The following DLG1 variants were observed in gnomAD, a reference collection of about 807,000 sequenced individuals.
The protein encoded by DLG1 is discs large MAGUK scaffold protein 1.
In DLG1, 42 loss-of-function variants were observed where a neutral mutation model predicts 123.4. The ratio of observed to expected loss-of-function variants is 0.34; its 90% CI spans 0.27 to 0.44. The LOEUF is 0.44. DLG1 is among the 20% of genes least tolerant of loss of function. DLG1 has a pLI of 1.00. For synonymous variants in DLG1, 317 were observed against 356.2 expected (o/e 0.89, Z 1.24); for missense variants, 942 against 1,082.6 (o/e 0.87, Z 1.82).
intron 23 of DLG1, among the ~76,000 whole-genome samples, chr3:197,059,648 G>A (rs1734405364): frequency 5.9e-5 from 1 of 16,876 alleles, no homozygotes; most frequent in Non-Finnish European, 1.3e-4. Flanking sequence ...AGTCACACGT[G>A]GGGCTATTTA....
chr3:197,245,899 TTG>T (rs1491578889), intron 4 of DLG1, among the ~76,000 whole-genome samples: 9 of 93,540 alleles, frequency 9.6e-5, no homozygotes, highest in Non-Finnish European at 1.7e-4. Context: ...TTTTTTTTTT[TTG>T]GGGGGGGGGG....
intron 24 of DLG1, among the ~76,000 whole-genome samples, chr3:197,047,575 T>C (rs975746750): frequency 1.3e-4 from 19 of 151,550 alleles, no homozygotes; most frequent in South Asian, 6.2e-4. Context: ...AATAAGAATA[T>C]TGGGGAGTTG....
At chr3:197,101,516 GC>G (rs1337849912) in intron 14 of DLG1, among the ~76,000 whole-genome samples, 2 of 151,932 alleles carry the variant, frequency 1.3e-5, no homozygotes, top group Non-Finnish European at 2.9e-5. Context: ...CTCGCGAGCA[GC>G]TGGGACTACA....
intron 4 of DLG1, among the ~76,000 whole-genome samples, chr3:197,256,433 C>A (rs552344373): frequency 2.0e-5 from 3 of 152,240 alleles, no homozygotes; most frequent in Non-Finnish European, 2.9e-5. Flanking sequence ...GTACTTCACA[C>A]ACAGTAGGCA....
At chr3:197,237,560 G>C (rs1190008238) in intron 4 of DLG1, among the ~76,000 whole-genome samples, 1 of 152,200 alleles carries the variant, frequency 6.6e-6, no homozygotes, top group African/African-American at 2.4e-5. Context: ...AAGACCAGCA[G>C]GTAGCCTAGA....
intron 6 of DLG1, among the ~76,000 whole-genome samples, chr3:197,143,745 C>T (rs957333849): frequency 6.6e-5 from 10 of 152,194 alleles, no homozygotes; most frequent in Admixed American, 6.5e-4. Flanking sequence ...GAACGACTTG[C>T]TCTTTCCATT....
intron 4 of DLG1, among the ~76,000 whole-genome samples, chr3:197,256,584 T>C (rs967005687): frequency 7.2e-5 from 11 of 152,248 alleles, no homozygotes; most frequent in African/African-American, 2.7e-4. Context: ...CATGCAAAGA[T>C]TTAATAGTGA....
intron 4 of DLG1, among the ~76,000 whole-genome samples, chr3:197,278,035 A>G (rs1767350796): frequency 6.6e-6 from 1 of 152,014 alleles, no homozygotes; most frequent in Non-Finnish European, 1.5e-5. Flanking sequence ...CTGTAATCCC[A>G]GCACTTTGGG....
intron 13 of DLG1, among the ~76,000 whole-genome samples, chr3:197,110,473 C>T (rs1769255380): frequency 6.6e-6 from 1 of 152,046 alleles, no homozygotes; most frequent in Admixed American, 6.5e-5. Context: ...GGTTTAATGT[C>T]TTTGTTTAGC....
intron 4 of DLG1, among the ~76,000 whole-genome samples, chr3:197,236,185 T>C (rs1214719673): frequency 2.0e-5 from 3 of 151,976 alleles, no homozygotes; most frequent in Non-Finnish European, 4.4e-5. Context: ...TGGTGGGGCA[T>C]GCCTGTAGTT....
chr3:197,093,526 G>C (rs1041340868), intron 14 of DLG1, among the ~76,000 whole-genome samples: 1 of 149,660 alleles, frequency 6.7e-6, no homozygotes, highest in East Asian at 2.0e-4. Context: ...AGTATATCCA[G>C]AAGATCACTG....
intron 6 of DLG1, among the ~76,000 whole-genome samples, chr3:197,146,732 G>C (rs1321254522): frequency 6.6e-6 from 1 of 152,116 alleles, no homozygotes; most frequent in East Asian, 1.9e-4. Context: ...CTAAACATTG[G>C]CTTAGGCAAA....
At chr3:197,164,719 T>C (rs1464184647) in intron 5 of DLG1, among the ~76,000 whole-genome samples, 2 of 141,020 alleles carry the variant, frequency 1.4e-5, no homozygotes, top group Non-Finnish European at 3.1e-5. Flanking sequence ...CTGGTCAACA[T>C]GGCAAAACCC....
chr3:197,260,999 C>G (rs1260863516), intron 4 of DLG1, among the ~76,000 whole-genome samples: 2 of 151,758 alleles, frequency 1.3e-5, no homozygotes, highest in Non-Finnish European at 2.9e-5. Flanking sequence ...AACATTTTAC[C>G]AACAAAGGCA....
chr3:197,072,822 G>A (rs537935941), intron 18 of DLG1, among the ~76,000 whole-genome samples: 1 of 151,878 alleles, frequency 6.6e-6, no homozygotes, highest in African/African-American at 2.4e-5. Context: ...CCTCCCTCCC[G>A]AGTAGCTTGG....
chr3:197,182,192 G>C (rs1192306447), intron 5 of DLG1, among the ~76,000 whole-genome samples: 1 of 152,014 alleles, frequency 6.6e-6, no homozygotes. Context: ...ATATCATCTA[G>C]TATTAATCTA....
chr3:197,113,067 G>A (rs936764034), intron 13 of DLG1, among the ~76,000 whole-genome samples: 33 of 152,114 alleles, frequency 2.2e-4, no homozygotes, highest in Non-Finnish European at 3.5e-4. Context: ...TAAATTTTAT[G>A]TCTGGAGTAA....
At chr3:197,168,266 G>A (rs1802387119) in intron 5 of DLG1, among the ~76,000 whole-genome samples, 1 of 152,184 alleles carries the variant, frequency 6.6e-6, no homozygotes, top group Admixed American at 6.5e-5. Context: ...GAAGAACATA[G>A]GCCCCTGCCT....
intron 16 of DLG1, 63 bp from the exon 17 acceptor site, chr3:197,081,180 T>C: frequency 6.8e-7 from 1 of 1,474,036 alleles, no homozygotes; most frequent in Admixed American, 1.9e-5. Context: ...TTACTAGAAA[T>C]AACCAGAATT....
Sources: allele counts gnomAD v4.1 joint callset (sites outside exome capture counted in the v4.1 genomes callset), GRCh38; gene constraint gnomAD v4.1.1; transcripts MANE v1.5; gene names NCBI Gene and HGNC (gene_info 2026-07-23, HGNC 2026-07-21).